GABRA3: variants seen among roughly 807,000 people sequenced by gnomAD.
GABRA3 encodes gamma-aminobutyric acid receptor subunit alpha-3.
In GABRA3, 10 loss-of-function variants were observed where a neutral mutation model predicts 30.1. The ratio of observed to expected loss-of-function variants is 0.33; its 90% CI spans 0.20 to 0.56. GABRA3 has a LOEUF of 0.56. Among genes scored for constraint, GABRA3 ranks in the 20% least tolerant of loss-of-function variants. The pLI is 0.89. For missense variants in GABRA3, 233 were observed against 392.0 expected, an observed-to-expected ratio of 0.59 and a Z score of 3.42; for synonymous variants, 151 against 146.8, an observed-to-expected ratio of 1.03 and a Z score of -0.21.
At chrX:152,237,898 A>T (rs1938260860) in intron 5 of GABRA3, among the ~76,000 whole-genome samples, 1 of 110,506 alleles carries the variant, frequency 9.0e-6, no homozygotes, top group South Asian at 3.9e-4. Flanking sequence ...TTGGGCTGAG[A>T]CAATGGGGTT....
intron 2 of GABRA3, among the ~76,000 whole-genome samples, chrX:152,357,656 T>C (rs753199281): frequency 8.9e-6 from 1 of 112,140 alleles, no homozygotes; most frequent in East Asian, 2.8e-4. Flanking sequence ...TTTGGTTTTG[T>C]TGCAATTGCT....
intron 1 of GABRA3, among the ~76,000 whole-genome samples, chrX:152,383,586 C>A (rs1288898635): frequency 9.4e-6 from 1 of 106,117 alleles, no homozygotes; most frequent in Admixed American, 1.0e-4. Flanking sequence ...ATATGCAAAT[C>A]AAAAATTTAT....
At chrX:152,426,295 T>C (rs949454696) in intron 1 of GABRA3, among the ~76,000 whole-genome samples, 5 of 111,603 alleles carry the variant, frequency 4.5e-5, no homozygotes, top group African/African-American at 1.6e-4. Context: ...GTGGGTAGGA[T>C]TATATTCTTG....
chrX:152,236,199 G>A (rs1192132324), intron 5 of GABRA3, among the ~76,000 whole-genome samples: 2 of 93,660 alleles, frequency 2.1e-5, no homozygotes, highest in Non-Finnish European at 4.1e-5. Flanking sequence ...CTGTGTCCAT[G>A]TGATCTCATT....
At chrX:152,234,967 T>C (rs1422444291) in intron 5 of GABRA3, among the ~76,000 whole-genome samples, 1 of 111,798 alleles carries the variant, frequency 8.9e-6, no homozygotes, top group East Asian at 2.8e-4. Context: ...CTTTTGTGGT[T>C]CTATGTTAAT....
At chrX:152,433,706 C>CAAAAAAAAAA (rs199848886) in intron 1 of GABRA3, among the ~76,000 whole-genome samples, 1 of 58,451 alleles carries the variant, frequency 1.7e-5, no homozygotes, top group Non-Finnish European at 3.5e-5. Context: ...GAAGGAAGAC[C>CAAAAAAAAAA]AAAAAAAAAA....
chrX:152,445,673 C>T, intron 1 of GABRA3, among the ~76,000 whole-genome samples: 1 of 111,588 alleles, frequency 9.0e-6, no homozygotes, highest in Non-Finnish European at 1.9e-5. Context: ...TAGAGCAGAA[C>T]ATGAACTATA....
chrX:152,407,993 T>C (rs1929977324), intron 1 of GABRA3, among the ~76,000 whole-genome samples: 1 of 111,139 alleles, frequency 9.0e-6, no homozygotes, highest in Non-Finnish European at 1.9e-5. Flanking sequence ...TCAAATGATG[T>C]CAAAAAAAAG....
chrX:152,175,780 G>A (rs909190627), intron 9 of GABRA3, among the ~76,000 whole-genome samples: 1 of 111,426 alleles, frequency 9.0e-6, no homozygotes, highest in African/African-American at 3.3e-5. Flanking sequence ...GAATCATCAA[G>A]GAGGCTGGGC....
chrX:152,272,606 G>A (rs1220345210), intron 4 of GABRA3, among the ~76,000 whole-genome samples: 1 of 111,893 alleles, frequency 8.9e-6, no homozygotes, highest in African/African-American at 3.3e-5. Context: ...GGAAAGGCAT[G>A]ATTATGTTTT....
intron 1 of GABRA3, among the ~76,000 whole-genome samples, chrX:152,402,958 G>A (rs1038460955): frequency 1.1e-4 from 12 of 111,611 alleles, no homozygotes; most frequent in Non-Finnish European, 2.1e-4. Flanking sequence ...AATAAAGGAG[G>A]TTACATTTTA....
At chrX:152,250,926 T>A (rs1938542931) in intron 5 of GABRA3, 1 of 180,722 alleles carries the variant, frequency 5.5e-6, no homozygotes, top group African/African-American at 3.1e-5. Context: ...CCTTATTCAA[T>A]TTGTGCTTTT....
intron 1 of GABRA3, among the ~76,000 whole-genome samples, chrX:152,403,909 A>T (rs1929861197): frequency 9.0e-6 from 1 of 111,463 alleles, no homozygotes; most frequent in African/African-American, 3.3e-5. Context: ...GAGCCAAGAA[A>T]TGAGTCTGAC....
chrX:152,368,701 C>CTTT (rs59912352), intron 1 of GABRA3, among the ~76,000 whole-genome samples: 1 of 49,564 alleles, frequency 2.0e-5, no homozygotes, highest in African/African-American at 8.2e-5. Flanking sequence ...AATTTTTTTT[C>CTTT]TTTTTTTTTT....
chrX:152,424,270 G>A (rs1388764376), intron 1 of GABRA3, among the ~76,000 whole-genome samples: 6 of 108,384 alleles, frequency 5.5e-5, no homozygotes, highest in Non-Finnish European at 7.6e-5. Context: ...TGTCTATTTC[G>A]TCTAACTTTT....
chrX:152,339,412 T>C (rs1407045391), intron 3 of GABRA3, among the ~76,000 whole-genome samples: 2 of 110,081 alleles, frequency 1.8e-5, no homozygotes, highest in Non-Finnish European at 3.8e-5. Flanking sequence ...AGAGACGGGG[T>C]TTCACCATGT....
intron 1 of GABRA3, among the ~76,000 whole-genome samples, chrX:152,389,923 TA>T (rs370355585): frequency 8.2e-4 from 89 of 108,710 alleles, no homozygotes; most frequent in Non-Finnish European, 1.1e-3. Context: ...TGGTAAATGA[TA>T]AAAAAAAATA....
intron 9 of GABRA3, among the ~76,000 whole-genome samples, chrX:152,180,229 T>A (rs1937127774): frequency 8.9e-6 from 1 of 112,554 alleles, no homozygotes; most frequent in African/African-American, 3.2e-5. Context: ...GTCTTTTTGA[T>A]AACAGACATT....
At position 152,266,936 on chromosome X, in the gene GABRA3, TGAAAA is replaced by T. The variant is rs773852446; in HGVS notation, c.331-10943_331-10939del. ...CAGTAGATGATTGAATGAATTATCA[TGAAAA>T]GAACTACTAAAAGAAGATCTTCATG... On this transcript the variant is annotated intron_variant, in intron 4 of 9. Coordinates refer to ENST00000370314, the MANE Select transcript of GABRA3 (RefSeq NM_000808.4). Among the ~76,000 whole-genome samples the T allele has an allele frequency of 3.6e-5, 4 of 111,273 alleles. No homozygotes were observed. In the Admixed American group the frequency reaches 3.8e-4, roughly 11 times the overall value.
Sources: gnomAD v4.1 joint callset for allele counts (sites outside exome capture counted in the v4.1 genomes callset) on GRCh38, gnomAD v4.1.1 for gene constraint, MANE v1.5 for transcripts, NCBI Gene and HGNC (gene_info 2026-07-23, HGNC 2026-07-21) for gene names.